PIWIL4: variants seen among roughly 807,000 people sequenced by gnomAD.
PIWIL4 encodes piwi like RNA-mediated gene silencing 4.
A neutral mutation model predicts 100.9 loss-of-function variants in PIWIL4; 50 were observed. The observed-to-expected ratio is 0.50, with a 90% confidence interval of 0.39 to 0.63. The LOEUF is 0.63. Among genes scored for constraint, PIWIL4 ranks in the 20% least tolerant of loss-of-function variants. The pLI is 0.00. For synonymous variants in PIWIL4, 342 were observed against 367.5 expected (o/e 0.93, Z 0.79); for missense variants, 887 against 1,043.3 (o/e 0.85, Z 2.06).
At chr11:94,620,739 T>C (rs1228088552) in intron 19 of PIWIL4, 137 bp from the exon 20 acceptor site, 1 of 605,316 alleles carries the variant, frequency 1.7e-6, no homozygotes, top group Admixed American at 3.0e-5. Flanking sequence ...TTACCTTTTG[T>C]TGGTTGAGGT....
chr11:94,611,045 G>A (rs1009375637), intron 15 of PIWIL4, among the ~76,000 whole-genome samples: 3 of 152,070 alleles, frequency 2.0e-5, no homozygotes, highest in Admixed American at 6.5e-5. Flanking sequence ...ATCCCATTGT[G>A]TATTGTTGGT....
intron 13 of PIWIL4, among the ~76,000 whole-genome samples, chr11:94,604,649 G>C (rs1377096823): frequency 6.6e-6 from 1 of 152,146 alleles, no homozygotes; most frequent in Admixed American, 6.5e-5. Flanking sequence ...TGACATCCCT[G>C]TTCTTAAAAA....
At chr11:94,617,639 T>G in intron 16 of PIWIL4, 1 of 372,150 alleles carries the variant, frequency 2.7e-6, no homozygotes, top group Non-Finnish European at 4.7e-6. Context: ...TAATATTTGA[T>G]TTTAGGCATT....
rs1305253336 is a variant in PIWIL4 at position 94,567,529 on chromosome 11, G to C, written c.11G>C (p.Arg4Thr). The C allele has an allele frequency of 3.1e-6, 5 of 1,599,704 alleles. No homozygotes were observed. Among genetic ancestry groups the C allele is most frequent in the East Asian group, 2.2e-5 (1 of 44,492 alleles). Reference protein sequence around the residue: MSGRARVKARGIAR... With the variant: MSGTARVKARGIAR... ...GGGCTCACCGGGAACATGAGTGGAAGAGCCCGAGTGAAGGCCAGAGGCATC... is the reference window on the plus strand; with the variant it reads ...GGGCTCACCGGGAACATGAGTGGAACAGCCCGAGTGAAGGCCAGAGGCATC... Residue 4 changes from arginine to threonine, a missense_variant, in exon 1 of 20, where the codon AGA (arginine) becomes ACA (threonine). Coordinates refer to ENST00000299001, the MANE Select transcript of PIWIL4 (RefSeq NM_152431.3).
At position 94,577,336 on chromosome 11, in the gene PIWIL4, A is replaced by G. The variant is rs754543803; in HGVS notation, c.357A>G (p.Gln119=). Reference sequence around the variant, plus strand: ...ACCTCTTTAACTTAGATTTTCCCCAAGACTGGCAGCTATACCAGTACCATG... The same window carrying G: ...ACCTCTTTAACTTAGATTTTCCCCAGGACTGGCAGCTATACCAGTACCATG... ...VTNLFNLDFP[Q]DWQLYQYHVT... The change falls in exon 4 of 20, where the codon CAA becomes CAG. Residue 119 remains glutamine, a synonymous_variant. Transcript: ENST00000299001. 3 of 1,613,964 alleles carry G rather than the reference A, an allele frequency of 1.9e-6. No individual in the cohort carries two copies. In the East Asian group the frequency reaches 6.7e-5, roughly 36 times the overall value.
intron 6 of PIWIL4, among the ~76,000 whole-genome samples, chr11:94,586,405 T>C (rs891650051): frequency 2.0e-5 from 3 of 152,226 alleles, no homozygotes; most frequent in African/African-American, 7.2e-5. Context: ...ATGCCATTTC[T>C]GTAACTTCTT....
At chr11:94,587,883 G>A (rs185992336) in intron 7 of PIWIL4, among the ~76,000 whole-genome samples, 32 of 151,244 alleles carry the variant, frequency 2.1e-4, no homozygotes, top group African/African-American at 7.3e-4. Context: ...AGTTAAACAC[G>A]GAAAATTTAG....
rs185614000 is a variant in PIWIL4, at chr11:94,604,274, A to G, written c.1638+218A>G. On this transcript the variant is annotated intron_variant, in intron 13 of 19. Coordinates refer to ENST00000299001, the MANE Select transcript of PIWIL4 (RefSeq NM_152431.3). ...AAATACAGTACTTCTTGTTACCCCTATAACAGCCATTGGTGTCTGCATATT... is the reference window on the plus strand; with the variant it reads ...AAATACAGTACTTCTTGTTACCCCTGTAACAGCCATTGGTGTCTGCATATT... Among the ~76,000 whole-genome samples the G allele has an allele frequency of 2.7e-3, 416 of 152,250 alleles. 2 individuals carry two copies. Among genetic ancestry groups the G allele is most frequent in the Non-Finnish European group, 4.1e-3 (277 of 68,018 alleles).
At chr11:94,593,672 C>T (rs1279534288) in intron 9 of PIWIL4, 31 bp downstream of exon 9, 9 of 1,608,702 alleles carry the variant, frequency 5.6e-6, no homozygotes, top group Non-Finnish European at 6.8e-6. Context: ...CTCTGTCAGG[C>T]TCCTGGATAC....
At chr11:94,609,230 T>A (rs1250768368) in intron 15 of PIWIL4, among the ~76,000 whole-genome samples, 1 of 152,228 alleles carries the variant, frequency 6.6e-6, no homozygotes, top group African/African-American at 2.4e-5. Context: ...TAGTAAATAC[T>A]CAATACATAC....
At chr11:94,605,891 G>C (rs954433200) in intron 13 of PIWIL4, among the ~76,000 whole-genome samples, 30 of 152,090 alleles carry the variant, frequency 2.0e-4, no homozygotes, top group Admixed American at 2.6e-4. Context: ...TCTTTTTCAT[G>C]TGTCTCCATC....
At chr11:94,572,784 T>C (rs371803340) in intron 2 of PIWIL4, among the ~76,000 whole-genome samples, 5 of 152,220 alleles carry the variant, frequency 3.3e-5, no homozygotes, top group East Asian at 1.9e-4. Context: ...TCTTTTTTGG[T>C]TCCATATGAA....
intron 17 of PIWIL4, among the ~76,000 whole-genome samples, chr11:94,618,642 C>G (rs1307860568): frequency 6.6e-6 from 1 of 152,116 alleles, no homozygotes; most frequent in African/African-American, 2.4e-5. Context: ...TGTTTCAGTA[C>G]AAAATTTTCT....
At chr11:94,598,726 T>TTTTA (rs1948594578) in intron 11 of PIWIL4, among the ~76,000 whole-genome samples, 1 of 136,424 alleles carries the variant, frequency 7.3e-6, no homozygotes, top group African/African-American at 2.9e-5. Flanking sequence ...TTTTTTTTTT[T>TTTTA]GAGACAGGTC....
intron 4 of PIWIL4, among the ~76,000 whole-genome samples, chr11:94,579,109 A>T (rs938291047): frequency 1.9e-4 from 29 of 152,252 alleles, no homozygotes; most frequent in African/African-American, 6.8e-4. Context: ...CTATGGCTTC[A>T]GAACTTTAAA....
chr11:94,587,281 G>A (rs1948414779), intron 7 of PIWIL4, 34 bp downstream of exon 7: 6 of 1,574,320 alleles, frequency 3.8e-6, no homozygotes, highest in Non-Finnish European at 5.2e-6. Flanking sequence ...CTTTTCTTCA[G>A]AAATCAATCA....
In PIWIL4 at chr11:94,607,420, T is replaced by C. The variant is rs759841890; in HGVS notation, c.1639-19T>C. 1.1e-5 allele frequency: 17 copies of C among 1,600,122 alleles called. No homozygotes were observed. The highest frequency in any genetic ancestry group is 2.7e-5 in the African/African-American group (2 of 74,584). ...GAAGTAAATTAACTTCCAAAATCTT[T>C]TGCTGTTTTTGCTTTTAGGTAATGT... is the stretch of plus-strand genomic sequence containing the variant. On this transcript the variant is annotated intron_variant, in intron 13 of 19. Transcript: ENST00000299001.
chr11:94,603,935 GCTA>G, intron 12 of PIWIL4, 46 bp from the exon 13 acceptor site: 1 of 1,153,848 alleles, frequency 8.7e-7, no homozygotes, highest in Non-Finnish European at 1.3e-6. Context: ...ATAAGTATGT[GCTA>G]CTAAGAAGGA....
chr11:94,620,753 C>A, intron 19 of PIWIL4, 123 bp from the exon 20 acceptor site: 1 of 658,522 alleles, frequency 1.5e-6, no homozygotes, highest in African/African-American at 1.8e-5. Context: ...TTGAGGTTAC[C>A]TGTTGTTTAC....
Sources: allele counts gnomAD v4.1 joint callset (sites outside exome capture counted in the v4.1 genomes callset), GRCh38; gene constraint gnomAD v4.1.1; transcripts MANE v1.5; gene names NCBI Gene and HGNC (gene_info 2026-07-23, HGNC 2026-07-21).